WDR45B: variants seen among roughly 807,000 people sequenced by gnomAD.
WDR45B encodes the protein WD repeat domain 45B, also known as WD repeat domain phosphoinositide-interacting protein 3.
In WDR45B, 20 loss-of-function variants were observed where a neutral mutation model predicts 44.6. The observed-to-expected ratio is 0.45, with a 90% CI of 0.32 to 0.65. The LOEUF (loss-of-function observed/expected upper bound fraction) is 0.65, where lower values mean the gene tolerates loss of function less well. WDR45B is among the 30% of genes least tolerant of loss of function. The probability of loss-of-function intolerance (pLI) is 0.05; values close to 1 mark genes in which losing one functional copy is unlikely to be tolerated. For synonymous variants in WDR45B, 169 were observed against 164.9 expected, an observed-to-expected ratio of 1.02 and a Z score of -0.19; for missense variants, 323 against 430.2, an observed-to-expected ratio of 0.75 and a Z score of 2.20.
At chr17:82,636,174 T>C (rs923245727) in intron 2 of WDR45B, among the ~76,000 whole-genome samples, 4 of 144,590 alleles carry the variant, frequency 2.8e-5, no homozygotes, top group African/African-American at 1.0e-4. Context: ...GGCAGGAGAA[T>C]CACTTGAACC....
intron 8 of WDR45B, 22 bp downstream of exon 8, chr17:82,617,274 C>T (rs2045549800): frequency 1.9e-6 from 3 of 1,609,162 alleles, no homozygotes; most frequent in Middle Eastern, 2.2e-4. Context: ...GGCTTTTCCC[C>T]AGCAGGCATC....
intron 1 of WDR45B, among the ~76,000 whole-genome samples, chr17:82,647,869 G>A (rs563822156): frequency 3.2e-4 from 49 of 151,888 alleles, no homozygotes; most frequent in African/African-American, 1.1e-3. Flanking sequence ...TCACGCTGTG[G>A]GGAAAATCCC....
intron 5 of WDR45B, 83 bp downstream of exon 5, chr17:82,625,306 C>A (rs1419306909): frequency 1.2e-5 from 17 of 1,381,154 alleles, no homozygotes; most frequent in Non-Finnish European, 8.2e-6. Context: ...TGCTCAGAGA[C>A]CTGCTTGGAG....
At chr17:82,629,072 C>T (rs745550558) in intron 3 of WDR45B, among the ~76,000 whole-genome samples, 26 of 152,294 alleles carry the variant, frequency 1.7e-4, no homozygotes, top group Non-Finnish European at 2.9e-4. Flanking sequence ...AGTACATTTA[C>T]TCAAAAACCT....
chr17:82,616,878 C>T (rs535987092), intron 8 of WDR45B, among the ~76,000 whole-genome samples: 3 of 151,604 alleles, frequency 2.0e-5, no homozygotes, highest in Admixed American at 6.6e-5. Context: ...AGTGCAGGGG[C>T]GCAATCTCGG....
chr17:82,626,217 T>C (rs1412104825), intron 4 of WDR45B, among the ~76,000 whole-genome samples: 4 of 150,842 alleles, frequency 2.7e-5, no homozygotes, highest in Admixed American at 2.6e-4. Context: ...ATATTGACGT[T>C]ATTAAAATGA....
intron 2 of WDR45B, among the ~76,000 whole-genome samples, chr17:82,639,610 G>A (rs1045130743): frequency 1.3e-5 from 2 of 150,902 alleles, no homozygotes; most frequent in African/African-American, 2.4e-5. Flanking sequence ...CACACAGCAC[G>A]AAGCCTGCAG....
At chr17:82,630,823 A>T in intron 3 of WDR45B, 98 bp downstream of exon 3, 1 of 1,192,962 alleles carries the variant, frequency 8.4e-7, no homozygotes, top group Non-Finnish European at 1.2e-6. Flanking sequence ...TCACAGAACT[A>T]CTAGGGAAAA....
chr17:82,618,900 C>A (rs2045575075), intron 7 of WDR45B, 143 bp downstream of exon 7: 3 of 730,352 alleles, frequency 4.1e-6, no homozygotes, highest in Admixed American at 4.5e-5. Context: ...TGAAACCCAA[C>A]CCCCTAGCAG....
chr17:82,631,097 G>T, intron 2 of WDR45B, 75 bp from the exon 3 acceptor site: 2 of 1,432,974 alleles, frequency 1.4e-6, no homozygotes, highest in Non-Finnish European at 2.0e-6. Flanking sequence ...AAAAGAGAAA[G>T]TCAAGACAGG....
intron 5 of WDR45B, among the ~76,000 whole-genome samples, chr17:82,624,314 T>A (rs2045662255): frequency 6.6e-6 from 1 of 152,086 alleles, no homozygotes; most frequent in Non-Finnish European, 1.5e-5. Flanking sequence ...CAGGCGGGAG[T>A]GCAGTGGCAC....
At chr17:82,632,032 GATC>G in intron 2 of WDR45B, among the ~76,000 whole-genome samples, 1 of 151,326 alleles carries the variant, frequency 6.6e-6, no homozygotes, top group East Asian at 1.9e-4. Context: ...AGTGAGCCGA[GATC>G]ACACCACTGC....
At chr17:82,621,927 T>G in intron 5 of WDR45B, 128 bp from the exon 6 acceptor site, 1 of 1,097,138 alleles carries the variant, frequency 9.1e-7, no homozygotes, top group Non-Finnish European at 1.3e-6. Context: ...AACCACAAAT[T>G]CAATTTAAAG....
intron 5 of WDR45B, 28 bp downstream of exon 5, chr17:82,625,361 A>C (rs761148565): frequency 6.2e-7 from 1 of 1,609,610 alleles, no homozygotes; most frequent in African/African-American, 1.3e-5. Flanking sequence ...CCCATTTCCC[A>C]TCGCCACCCG....
At chr17:82,616,398 G>A (rs2045535704) in intron 9 of WDR45B, 126 bp downstream of exon 9, 7 of 1,467,328 alleles carry the variant, frequency 4.8e-6, no homozygotes, top group Admixed American at 3.4e-5. Flanking sequence ...AGAAATAAGG[G>A]GAACTGGGCG....
intron 2 of WDR45B, among the ~76,000 whole-genome samples, chr17:82,635,337 G>C (rs367708135): frequency 1.3e-5 from 2 of 151,374 alleles, no homozygotes; most frequent in East Asian, 3.9e-4. Flanking sequence ...ATTTAACCGA[G>C]AGACAATGTT....
At chr17:82,621,369 T>C (rs1354172541) in intron 6 of WDR45B, among the ~76,000 whole-genome samples, 1 of 152,242 alleles carries the variant, frequency 6.6e-6, no homozygotes, top group East Asian at 1.9e-4. Flanking sequence ...CTTTGGCTTA[T>C]CATATTTTAC....
At chr17:82,622,726 T>TAAAA in intron 5 of WDR45B, among the ~76,000 whole-genome samples, 1 of 152,234 alleles carries the variant, frequency 6.6e-6, no homozygotes, top group African/African-American at 2.4e-5. Context: ...CCAAAAATTT[T>TAAAA]TTTTTTTTTT....
rs761795864 is a variant in WDR45B at position 82,629,483 on chromosome 17, A to G, written c.244+1438T>C. The stretch of plus-strand genomic sequence containing the variant: ...CCACAGGCCTCTGCCCCTCTGGGCT[A>G]TGCTAGCAGCCACTCTCAACTCTGC... On this transcript the variant is annotated intron_variant, in intron 3 of 9. Transcript: ENST00000392325. 1.9e-4 allele frequency: 191 copies of G among 983,342 alleles called. No individual in the cohort carries two copies. In the Middle Eastern group the frequency reaches 4.7e-3, roughly 24 times the overall value. 60.9% of individuals were successfully genotyped at this position (983,342 alleles called of 1,614,324 possible).
Sources: gnomAD v4.1 joint callset for allele counts (sites outside exome capture counted in the v4.1 genomes callset) on GRCh38, gnomAD v4.1.1 for gene constraint, MANE v1.5 for transcripts, NCBI Gene and HGNC (gene_info 2026-07-23, HGNC 2026-07-21) for gene names.